VSTM4: variants seen among roughly 807,000 people sequenced by gnomAD.
VSTM4 encodes V-set and transmembrane domain-containing protein 4.
A neutral mutation model predicts 36.4 loss-of-function variants in VSTM4; 20 were observed. That is an observed-to-expected ratio of 0.55 (90% CI 0.39 to 0.80). VSTM4 has a LOEUF of 0.80. VSTM4 is among the 30% of genes least tolerant of loss of function. The pLI, the probability that VSTM4 is intolerant of heterozygous loss-of-function variation, is 0.00. For synonymous variants in VSTM4, 182 were observed against 173.9 expected (o/e 1.05, Z -0.37); for missense variants, 392 against 404.5 (o/e 0.97, Z 0.26).
At chr10:49,051,991 C>T (rs1450237273) in intron 5 of VSTM4, among the ~76,000 whole-genome samples, 2 of 151,926 alleles carry the variant, frequency 1.3e-5, no homozygotes, top group South Asian at 2.1e-4. Flanking sequence ...GGAAATAAGC[C>T]GATGTTTACT....
chr10:49,095,127 T>G (rs1043681911), intron 2 of VSTM4, among the ~76,000 whole-genome samples: 2 of 152,130 alleles, frequency 1.3e-5, no homozygotes, highest in Admixed American at 6.5e-5. Context: ...GAAGTCCACA[T>G]TCTGAAAGTG....
intron 4 of VSTM4, among the ~76,000 whole-genome samples, chr10:49,069,530 G>T (rs61848370): frequency 0.18 from 26,885 of 152,076 alleles, 2,676 homozygotes; most frequent in Non-Finnish European, 0.23. Flanking sequence ...CTCATTCAGG[G>T]CTCAACCCAC....
At chr10:49,102,877 G>C (rs1192011347) in intron 2 of VSTM4, 1 of 480,980 alleles carries the variant, frequency 2.1e-6, no homozygotes. Flanking sequence ...GTTAGTCTGG[G>C]ATCCCAGAGA....
chr10:49,060,711 T>G (rs1056794657), intron 5 of VSTM4, among the ~76,000 whole-genome samples: 1 of 152,202 alleles, frequency 6.6e-6, no homozygotes, highest in Non-Finnish European at 1.5e-5. Flanking sequence ...TTCTTTCATT[T>G]ATGGATTCTG....
At chr10:49,077,433 G>A (rs1194067158) in intron 3 of VSTM4, 107 bp from the exon 4 acceptor site, 1 of 994,594 alleles carries the variant, frequency 1.0e-6, no homozygotes, top group South Asian at 1.4e-5. Flanking sequence ...CAGTGCTACA[G>A]TCAACAAGGC....
intron 7 of VSTM4, among the ~76,000 whole-genome samples, chr10:49,040,561 C>T (rs575262066): frequency 6.6e-6 from 1 of 152,318 alleles, no homozygotes; most frequent in African/African-American, 2.4e-5. Flanking sequence ...GCTGGGATTA[C>T]AGGCATGAGC....
intron 5 of VSTM4, among the ~76,000 whole-genome samples, chr10:49,060,561 A>T (rs896001889): frequency 6.6e-6 from 1 of 152,164 alleles, no homozygotes; most frequent in Non-Finnish European, 1.5e-5. Flanking sequence ...CTGTCACCTC[A>T]TTATTGAGTT....
intron 5 of VSTM4, among the ~76,000 whole-genome samples, chr10:49,062,599 C>T (rs929765696): frequency 2.0e-5 from 3 of 152,286 alleles, no homozygotes; most frequent in Admixed American, 1.3e-4. Context: ...GATTATTATG[C>T]CTGGCATTCA....
intron 5 of VSTM4, among the ~76,000 whole-genome samples, chr10:49,049,314 G>A (rs547106543): frequency 1.0e-3 from 158 of 152,278 alleles, no homozygotes; most frequent in African/African-American, 3.7e-3. Context: ...AGGTAAGAAG[G>A]CCAAGGCTTA....
intron 3 of VSTM4, among the ~76,000 whole-genome samples, chr10:49,081,822 T>A (rs555466763): frequency 4.9e-4 from 74 of 152,312 alleles, no homozygotes; most frequent in Non-Finnish European, 1.0e-3. Context: ...TCTGTTTTGT[T>A]CTTGAAGCTA....
rs185148767 is a variant in VSTM4, at chr10:49,047,650, G to A, written c.776-606C>T. Among the ~76,000 whole-genome samples the A allele has an allele frequency of 1.6e-3, 245 of 152,262 alleles. 3 individuals carry two copies. The highest frequency in any genetic ancestry group is 1.4e-3 in the Non-Finnish European group (93 of 68,004). On this transcript the variant is annotated intron_variant, in intron 6 of 7. Coordinates refer to ENST00000332853, the MANE Select transcript of VSTM4 (RefSeq NM_001031746.5). ...AGTATGATGCCTGGCCCAGGCAGGCGTTCTCTACTCCCTTCCCTCCCAGGT... is the reference window on the plus strand; with the variant it reads ...AGTATGATGCCTGGCCCAGGCAGGCATTCTCTACTCCCTTCCCTCCCAGGT...
intron 4 of VSTM4, among the ~76,000 whole-genome samples, chr10:49,066,176 C>T (rs868366487): frequency 2.0e-4 from 30 of 152,198 alleles, no homozygotes; most frequent in Admixed American, 4.6e-4. Context: ...GAGGTCTGGC[C>T]GTATTCATTT....
intron 2 of VSTM4, among the ~76,000 whole-genome samples, chr10:49,098,374 G>A (rs887241630): frequency 2.0e-5 from 3 of 152,204 alleles, no homozygotes; most frequent in Non-Finnish European, 4.4e-5. Context: ...AGACCCCTGG[G>A]TGTCATCCCA....
intron 4 of VSTM4, among the ~76,000 whole-genome samples, chr10:49,072,114 C>T (rs1158768890): frequency 1.3e-5 from 2 of 152,214 alleles, no homozygotes; most frequent in African/African-American, 4.8e-5. Flanking sequence ...ACACACATGG[C>T]TTGGTCTACA....
intron 2 of VSTM4, among the ~76,000 whole-genome samples, chr10:49,091,298 T>G (rs1844469435): frequency 6.6e-6 from 1 of 152,192 alleles, no homozygotes; most frequent in Non-Finnish European, 1.5e-5. Flanking sequence ...TACAGGCCAC[T>G]CTGGGGCCTC....
chr10:49,049,954 G>A (rs547686383), intron 5 of VSTM4, among the ~76,000 whole-genome samples: 25 of 152,288 alleles, frequency 1.6e-4, no homozygotes, highest in Non-Finnish European at 1.8e-4. Context: ...CCAGGAATTC[G>A]TTCTATGGAT....
rs1360696615 is a variant in VSTM4, at chr10:49,017,099, T to C, written c.*2551A>G. 3 of 152,258 alleles carry C rather than the reference T, an allele frequency of 2.0e-5. No homozygotes were observed. The allele number at this position is 152,258 out of a possible 1,614,324, so 9.4% of individuals were successfully genotyped here. On this transcript the variant is annotated 3_prime_UTR_variant, in exon 8 of 8. Transcript: ENST00000332853. ...AAACAAATTGACAAACTTTCCCTAATTTCTATTTCAATGATATGTGATATG... is the reference window on the plus strand; with the variant it reads ...AAACAAATTGACAAACTTTCCCTAACTTCTATTTCAATGATATGTGATATG...
intron 1 of VSTM4, among the ~76,000 whole-genome samples, chr10:49,115,170 C>G (rs548800600): frequency 6.6e-6 from 1 of 152,044 alleles, no homozygotes; most frequent in East Asian, 1.9e-4. Flanking sequence ...ATCTCGGCTG[C>G]TGCGAGAGTA....
rs1028353843 is a variant in VSTM4, at chr10:49,018,351, G to A, written c.*1299C>T. 5 of 152,118 alleles carry A rather than the reference G, an allele frequency of 3.3e-5. No homozygotes were observed. The highest frequency in any genetic ancestry group is 9.7e-5 in the African/African-American group (4 of 41,416). 9.4% of individuals were successfully genotyped at this position (152,118 alleles called of 1,614,324 possible). On this transcript the variant is annotated 3_prime_UTR_variant, in exon 8 of 8. Coordinates refer to ENST00000332853, the MANE Select transcript of VSTM4 (RefSeq NM_001031746.5). The stretch of plus-strand genomic sequence containing the variant: ...CAAGAATTCTATGGGAAGTTAAGTC[G>A]TCTTTACACAAACATGGAGTCTGAG...
Sources: allele counts gnomAD v4.1 joint callset (sites outside exome capture counted in the v4.1 genomes callset), GRCh38; gene constraint gnomAD v4.1.1; transcripts MANE v1.5; gene names NCBI Gene and HGNC (gene_info 2026-07-23, HGNC 2026-07-21).